EDIL3: variants seen among roughly 807,000 people sequenced by gnomAD.
The protein encoded by EDIL3 is EGF-like repeat and discoidin I-like domain-containing protein 3.
EDIL3 carries 37 observed loss-of-function variants against 67.4 expected under a neutral mutation model. That is an observed-to-expected ratio of 0.55 (90% CI 0.42 to 0.72). EDIL3 has a LOEUF of 0.72. Among genes scored for constraint, EDIL3 ranks in the 30% least tolerant of loss-of-function variants. The pLI, the probability that EDIL3 is intolerant of heterozygous loss-of-function variation, is 0.00. For missense variants in EDIL3, 527 were observed against 586.3 expected (o/e 0.90, Z 1.04); for synonymous variants, 195 against 196.3 (o/e 0.99, Z 0.05).
chr5:84,027,938 T>C (rs1473600275), intron 9 of EDIL3, among the ~76,000 whole-genome samples: 1 of 152,138 alleles, frequency 6.6e-6, no homozygotes, highest in Non-Finnish European at 1.5e-5. Flanking sequence ...CTCAAAGTAT[T>C]TGTCTACTCT....
At chr5:84,025,987 A>T (rs1439072699) in intron 9 of EDIL3, among the ~76,000 whole-genome samples, 2 of 152,152 alleles carry the variant, frequency 1.3e-5, no homozygotes, top group Admixed American at 6.6e-5. Context: ...GCCTGAAAAA[A>T]TATGACATAA....
intron 10 of EDIL3, among the ~76,000 whole-genome samples, chr5:83,946,015 T>G (rs1296177600): frequency 6.6e-6 from 1 of 152,002 alleles, no homozygotes; most frequent in African/African-American, 2.4e-5. Context: ...TCTCAAGCAC[T>G]AGGAAGCCCC....
At chr5:84,166,931 A>G (rs1487420807) in intron 4 of EDIL3, among the ~76,000 whole-genome samples, 1 of 152,166 alleles carries the variant, frequency 6.6e-6, no homozygotes, top group Non-Finnish European at 1.5e-5. Flanking sequence ...CCAAAGTAGA[A>G]TCAGCAAGGT....
At chr5:84,271,245 T>G (rs927518436) in intron 1 of EDIL3, among the ~76,000 whole-genome samples, 2 of 151,904 alleles carry the variant, frequency 1.3e-5, no homozygotes, top group Admixed American at 1.3e-4. Context: ...AAACCCCGTC[T>G]CCACTAAAAA....
In EDIL3 at chr5:84,176,183, T is replaced by A. The variant is rs565883254; in HGVS notation, c.355+4210A>T. Among the ~76,000 whole-genome samples the A allele has an allele frequency of 8.8e-3, 325 of 37,052 alleles. 2 individuals carry two copies. Among genetic ancestry groups the A allele is most frequent in the South Asian group, 0.042 (37 of 890 alleles). The allele number at this position is 37,052 out of a possible 152,430, so 24.3% of individuals were successfully genotyped here. A position where few individuals can be genotyped will look rare whatever the true frequency, so the allele number is the denominator to read the frequency against. ...GGCCAACTTTCTCAGTGGTAAAAAA[T>A]ATATATATATATATAATATATATAT... On this transcript the variant is annotated intron_variant, in intron 4 of 10. Transcript: ENST00000296591.
intron 3 of EDIL3, among the ~76,000 whole-genome samples, chr5:84,183,890 G>A (rs1749057038): frequency 6.6e-6 from 1 of 152,156 alleles, no homozygotes; most frequent in Non-Finnish European, 1.5e-5. Context: ...TGGATAACCT[G>A]AGGTCAAGGA....
intron 6 of EDIL3, among the ~76,000 whole-genome samples, chr5:84,067,199 C>T (rs1746658527): frequency 6.6e-6 from 1 of 152,014 alleles, no homozygotes; most frequent in Non-Finnish European, 1.5e-5. Context: ...TTGCTTTTTT[C>T]TTCATTTTAT....
chr5:84,124,838 AT>A (rs919789040), intron 5 of EDIL3, among the ~76,000 whole-genome samples: 4 of 152,032 alleles, frequency 2.6e-5, no homozygotes, highest in Admixed American at 2.6e-4. Context: ...AAAAGGTTAA[AT>A]GTGTATAAAT....
chr5:83,994,078 C>T (rs958350650), intron 9 of EDIL3, among the ~76,000 whole-genome samples: 20 of 152,140 alleles, frequency 1.3e-4, no homozygotes, highest in Admixed American at 1.0e-3. Flanking sequence ...TTATGTTAAA[C>T]GGTCATTGAA....
At chr5:83,995,157 TACAC>T (rs370763993) in intron 9 of EDIL3, among the ~76,000 whole-genome samples, 43 of 149,160 alleles carry the variant, frequency 2.9e-4, no homozygotes, top group Middle Eastern at 3.5e-3. Flanking sequence ...CACACACACA[TACAC>T]ACACACACAC....
At chr5:84,222,057 C>T (rs1719857854) in intron 3 of EDIL3, among the ~76,000 whole-genome samples, 1 of 151,802 alleles carries the variant, frequency 6.6e-6, no homozygotes, top group African/African-American at 2.4e-5. Flanking sequence ...GAATTAAACT[C>T]CACAAGAAAA....
chr5:83,963,100 T>TATA, intron 10 of EDIL3, 105 bp downstream of exon 10: 1 of 1,336,778 alleles, frequency 7.5e-7, no homozygotes, highest in Non-Finnish European at 1.0e-6. Flanking sequence ...TCAGTATATA[T>TATA]GGATACTATT....
At chr5:83,980,327 C>T (rs1411403293) in intron 9 of EDIL3, among the ~76,000 whole-genome samples, 2 of 151,528 alleles carry the variant, frequency 1.3e-5, no homozygotes, top group Non-Finnish European at 2.9e-5. Flanking sequence ...AAAACGGCAA[C>T]AGAAGCTAAG....
intron 4 of EDIL3, among the ~76,000 whole-genome samples, chr5:84,142,018 T>G (rs39966): frequency 0.18 from 25,503 of 142,788 alleles, 2,804 homozygotes; most frequent in Middle Eastern, 0.27. Flanking sequence ...CACTCCTCCC[T>G]TAGGCAATTC....
chr5:83,994,717 T>C lies in EDIL3; in HGVS notation c.1138-31357A>G, dbSNP rs150614910. On this transcript the variant is annotated intron_variant, in intron 9 of 10. Coordinates refer to ENST00000296591, the MANE Select transcript of EDIL3 (RefSeq NM_005711.5). ...CTTGCCTGGAGAGAAAACATGGATA[T>C]ACTAGGTGTATTTCCACCTAAATTA... Among the ~76,000 whole-genome samples, 454 of 152,296 alleles carry C rather than the reference T, an allele frequency of 3.0e-3. 4 individuals are homozygous for C. The highest frequency in any genetic ancestry group is 0.021 in the Admixed American group (318 of 15,288).
At position 84,380,603 on chromosome 5, in the gene EDIL3, A is replaced by G. The variant is rs369584853; in HGVS notation, c.67+3705T>C. Among the ~76,000 whole-genome samples, 8 of 152,246 alleles carry G rather than the reference A, an allele frequency of 5.3e-5. No individual in the cohort carries two copies. The East Asian group carries it at 9.6e-4, about 18-fold the overall frequency. ...GTGTGTGCAGTAAACAACAAATATC[A>G]GAATTACTTTTTTAGGCTTCAAGAA... On this transcript the variant is annotated intron_variant, in intron 1 of 10. Transcript: ENST00000296591.
At chr5:84,000,718 A>C (rs1277070317) in intron 9 of EDIL3, among the ~76,000 whole-genome samples, 1 of 152,072 alleles carries the variant, frequency 6.6e-6, no homozygotes. Context: ...CCATATGTTA[A>C]TCCACAAAAC....
At chr5:84,092,364 A>G (rs1236480151) in intron 6 of EDIL3, among the ~76,000 whole-genome samples, 2 of 152,236 alleles carry the variant, frequency 1.3e-5, no homozygotes, top group African/African-American at 4.8e-5. Context: ...TGTAAATATA[A>G]TAGCGAAATT....
Position 84,256,148 on chromosome 5 carries a change from C to CTATCTATCTATCATCTATCT in EDIL3, c.68-1937_68-1936insAGATAGATGATAGATAGATA, listed in dbSNP as rs3046886. ...TCTATCTATCTATCTATCTATCTAT[C>CTATCTATCTATCATCTATCT]ATCTATCTATCTATCCATTTATCCA... On this transcript the variant is annotated intron_variant, in intron 1 of 10. Coordinates refer to ENST00000296591, the MANE Select transcript of EDIL3 (RefSeq NM_005711.5). Among the ~76,000 whole-genome samples, 19 of 146,650 alleles carry CTATCTATCTATCATCTATCT rather than the reference C, an allele frequency of 1.3e-4. No homozygotes were observed. The South Asian group carries it at 1.3e-3, about 10-fold the overall frequency.
Sources: gnomAD v4.1 joint callset for allele counts (sites outside exome capture counted in the v4.1 genomes callset) on GRCh38, gnomAD v4.1.1 for gene constraint, MANE v1.5 for transcripts, NCBI Gene and HGNC (gene_info 2026-07-23, HGNC 2026-07-21) for gene names.